The following CCDC60 variants were observed in gnomAD, a reference collection of about 807,000 sequenced individuals.
CCDC60 encodes the protein coiled-coil domain containing 60.
In CCDC60, 54 loss-of-function variants were observed where a neutral mutation model predicts 63.5. The ratio of observed to expected loss-of-function variants is 0.85; its 90% confidence interval spans 0.68 to 1.07. The LOEUF is 1.07. Among genes scored for constraint, CCDC60 ranks in the 50% least tolerant of loss-of-function variants. The pLI, the probability that CCDC60 is intolerant of heterozygous loss-of-function variation, is 0.00. For synonymous variants in CCDC60, 206 were observed against 238.8 expected, an observed-to-expected ratio of 0.86 and a Z score of 1.27; for missense variants, 651 against 684.3, an observed-to-expected ratio of 0.95 and a Z score of 0.54.
intron 13 of CCDC60, among the ~76,000 whole-genome samples, chr12:119,533,103 C>A (rs558932208): frequency 1.3e-5 from 2 of 152,070 alleles, no homozygotes. Flanking sequence ...TTTTAATGAT[C>A]GTCATTCTAA....
At chr12:119,376,083 TG>T (rs1483002682) in intron 1 of CCDC60, among the ~76,000 whole-genome samples, 2 of 152,190 alleles carry the variant, frequency 1.3e-5, no homozygotes, top group East Asian at 3.8e-4. Flanking sequence ...CATCTGGATT[TG>T]TGTGTTGGAC....
intron 5 of CCDC60, among the ~76,000 whole-genome samples, chr12:119,497,899 G>A (rs1951751044): frequency 6.6e-6 from 1 of 152,190 alleles, no homozygotes; most frequent in African/African-American, 2.4e-5. Context: ...ACTCGGGGGA[G>A]AGGCAGGCAG....
intron 2 of CCDC60, among the ~76,000 whole-genome samples, chr12:119,453,147 A>C (rs541658051): frequency 2.0e-5 from 3 of 152,160 alleles, no homozygotes; most frequent in Non-Finnish European, 2.9e-5. Flanking sequence ...TTTTTAACTG[A>C]CATTAATGTA....
intron 2 of CCDC60, among the ~76,000 whole-genome samples, chr12:119,430,586 G>C (rs1332392851): frequency 6.7e-6 from 1 of 150,058 alleles, no homozygotes; most frequent in South Asian, 2.1e-4. Flanking sequence ...AGAATAGTGT[G>C]AACCCAGGAG....
At chr12:119,471,324 T>C (rs1056442974) in intron 2 of CCDC60, among the ~76,000 whole-genome samples, 1 of 152,200 alleles carries the variant, frequency 6.6e-6, no homozygotes, top group African/African-American at 2.4e-5. Flanking sequence ...TGCTGACAGA[T>C]GTGAGCATTT....
intron 13 of CCDC60, among the ~76,000 whole-genome samples, chr12:119,533,652 C>T (rs1952922601): frequency 6.6e-6 from 1 of 152,148 alleles, no homozygotes; most frequent in Admixed American, 6.6e-5. Flanking sequence ...GCCAGTTTTC[C>T]CATCACCATT....
intron 2 of CCDC60, among the ~76,000 whole-genome samples, chr12:119,453,206 T>C (rs555212800): frequency 1.3e-5 from 2 of 152,340 alleles, no homozygotes; most frequent in East Asian, 1.9e-4. Context: ...TTTACTGTTA[T>C]CAGCACTGTC....
chr12:119,536,808 T>C (rs1953017970), intron 13 of CCDC60, among the ~76,000 whole-genome samples: 1 of 152,208 alleles, frequency 6.6e-6, no homozygotes, highest in African/African-American at 2.4e-5. Context: ...TGGGCTTCCT[T>C]TGTGGGTAAC....
intron 13 of CCDC60, among the ~76,000 whole-genome samples, chr12:119,535,095 C>G (rs1422005662): frequency 5.3e-5 from 8 of 152,116 alleles, no homozygotes; most frequent in Admixed American, 5.2e-4. Flanking sequence ...AATTTCAGAG[C>G]CTGTTATCAG....
At chr12:119,532,573 C>A (rs1434581581) in intron 13 of CCDC60, among the ~76,000 whole-genome samples, 1 of 151,942 alleles carries the variant, frequency 6.6e-6, no homozygotes, top group Non-Finnish European at 1.5e-5. Context: ...CTCCCCTAGA[C>A]CCCCATCCCC....
chr12:119,493,717 G>A (rs566248208), intron 5 of CCDC60, among the ~76,000 whole-genome samples: 15 of 152,214 alleles, frequency 9.9e-5, no homozygotes, highest in African/African-American at 2.9e-4. Context: ...TGCCAATTAC[G>A]TTTCTCCAAG....
chr12:119,523,074 G>T (rs1450572449), intron 10 of CCDC60, 73 bp downstream of exon 10: 2 of 1,348,924 alleles, frequency 1.5e-6, no homozygotes, highest in Admixed American at 1.7e-5. Flanking sequence ...CTTCCCAGGG[G>T]TGTAGAAATG....
chr12:119,354,484 A>G (rs1267906977), intron 1 of CCDC60, among the ~76,000 whole-genome samples: 2 of 152,208 alleles, frequency 1.3e-5, no homozygotes, highest in Non-Finnish European at 2.9e-5. Flanking sequence ...CCAGCTGTAA[A>G]TGACAGGACC....
intron 4 of CCDC60, among the ~76,000 whole-genome samples, chr12:119,480,608 CCAT>C (rs538402013): frequency 0.013 from 2,010 of 149,180 alleles, 19 homozygotes; most frequent in Non-Finnish European, 0.023. Context: ...ATCACCATCA[CCAT>C]CATCATCATC....
rs1034902306 is a variant in CCDC60 at position 119,410,837 on chromosome 12, A to C, written c.91-17846A>C. Among the ~76,000 whole-genome samples, 3 of 152,070 alleles carry C rather than the reference A, an allele frequency of 2.0e-5. No homozygotes were observed. Among genetic ancestry groups the C allele is most frequent in the Non-Finnish European group, 4.4e-5 (3 of 68,004 alleles). Reference sequence around the variant, plus strand: ...AGCTCACTGCAGCCTCTGCCTCCCCAGCTCAAGCAATTCTCCTGCCTCAGC... The same window carrying C: ...AGCTCACTGCAGCCTCTGCCTCCCCCGCTCAAGCAATTCTCCTGCCTCAGC... On this transcript the variant is annotated intron_variant, in intron 1 of 13. Coordinates refer to ENST00000327554, the MANE Select transcript of CCDC60 (RefSeq NM_178499.5). The surrounding 1 kb of genome is among the most constrained non-coding windows in gnomAD (Gnocchi z 4.0).
Position 119,335,303 on chromosome 12 carries a change from G to A in CCDC60, c.90+37G>A, listed in dbSNP as rs564015383. On this transcript the variant is annotated intron_variant, in intron 1 of 13. Coordinates refer to ENST00000327554, the MANE Select transcript of CCDC60 (RefSeq NM_178499.5). The stretch of plus-strand genomic sequence containing the variant: ...CTCTGCTGAAACCAATCATGTTTTC[G>A]AGAACAAGTGAAATAGGAATTAGCT... 10 of 1,458,758 alleles carry A rather than the reference G, an allele frequency of 6.9e-6. No homozygotes were observed. The South Asian group carries it at 9.8e-5, about 14-fold the overall frequency. 90.4% of individuals were successfully genotyped at this position (1,458,758 alleles called of 1,614,324 possible). A position where few individuals can be genotyped will look rare whatever the true frequency, so the allele number is the denominator to read the frequency against.
chr12:119,439,902 GA>G (rs1555242419), intron 2 of CCDC60, among the ~76,000 whole-genome samples: 1 of 152,154 alleles, frequency 6.6e-6, no homozygotes, highest in Non-Finnish European at 1.5e-5. Context: ...CCCAATGAGG[GA>G]AAAATAACTA....
chr12:119,346,130 G>A (rs1285765885), intron 1 of CCDC60, among the ~76,000 whole-genome samples: 1 of 151,590 alleles, frequency 6.6e-6, no homozygotes, highest in Non-Finnish European at 1.5e-5. Context: ...TGGCCTGGCT[G>A]TATGACTTTG....
intron 1 of CCDC60, among the ~76,000 whole-genome samples, chr12:119,343,272 G>T (rs1475849638): frequency 2.6e-5 from 4 of 152,166 alleles, no homozygotes; most frequent in Non-Finnish European, 4.4e-5. Flanking sequence ...GCAATCGGTA[G>T]TTTTATTTAA....
Sources: gnomAD v4.1 joint callset for allele counts (sites outside exome capture counted in the v4.1 genomes callset) on GRCh38, gnomAD v4.1.1 for gene constraint, Gnocchi (gnomAD v3.1) non-coding constraint, MANE v1.5 for transcripts, NCBI Gene and HGNC (gene_info 2026-07-23, HGNC 2026-07-21) for gene names.